The following ALPL variants were observed in gnomAD, a reference collection of about 807,000 sequenced individuals.
ALPL encodes the protein alkaline phosphatase, tissue-nonspecific isozyme.
Under a neutral mutation model 51.3 loss-of-function variants are expected in ALPL, and 42 were observed. That is an observed-to-expected ratio of 0.82 (90% CI 0.64 to 1.06). ALPL has a LOEUF of 1.06. Among genes scored for constraint, ALPL ranks in the 50% least tolerant of loss-of-function variants. ALPL has a pLI of 0.00. For synonymous variants in ALPL, 279 were observed against 296.4 expected (o/e 0.94, Z 0.60); for missense variants, 589 against 709.4 (o/e 0.83, Z 1.93).
At chr1:21,515,464 C>T (rs1643777431) in intron 1 of ALPL, among the ~76,000 whole-genome samples, 1 of 152,162 alleles carries the variant, frequency 6.6e-6, no homozygotes. Flanking sequence ...TCTCGGCTCA[C>T]TACAACCTCC....
chr1:21,512,747 T>C (rs1303308774), intron 1 of ALPL, among the ~76,000 whole-genome samples: 1 of 152,116 alleles, frequency 6.6e-6, no homozygotes, highest in Non-Finnish European at 1.5e-5. Flanking sequence ...CCGCCAACAC[T>C]TCGTTAATTG....
Position 21,576,591 on chromosome 1 carries a change from G to A in ALPL, c.1259G>A (p.Gly420Asp). 1 of 1,613,972 alleles carries A rather than the reference G, an allele frequency of 6.2e-7. No individual in the cohort carries two copies. Among genetic ancestry groups the A allele is most frequent in the Non-Finnish European group, 8.5e-7 (1 of 1,179,936 alleles). Residue 420 changes from glycine to aspartate, a missense_variant, in exon 11 of 12, where the codon GGC (glycine) becomes GAC (aspartate). By Grantham distance (94) the Gly-to-Asp change is moderately conservative. Transcript: ENST00000374840. ...GCCATCCTGTATGGCAATGGGCCTG[G>A]CTACAAGGTGGTGGGCGGTGAACGA... The part of the protein sequence containing the change: ...FTAILYGNGP[G>D]YKVVGGEREN...
At chr1:21,541,370 G>C (rs1204429663) in intron 1 of ALPL, among the ~76,000 whole-genome samples, 1 of 152,240 alleles carries the variant, frequency 6.6e-6, no homozygotes, top group African/African-American at 2.4e-5. Flanking sequence ...CCTGCTCTGA[G>C]CTGCCCAGCT....
chr1:21,536,141 A>G (rs1644102800), intron 1 of ALPL, among the ~76,000 whole-genome samples: 1 of 152,252 alleles, frequency 6.6e-6, no homozygotes, highest in Non-Finnish European at 1.5e-5. Context: ...CCTGTCAGAA[A>G]GTGAGGATCT....
rs781272386 is a variant in ALPL, at chr1:21,570,327, G to T, written c.815G>T (p.Arg272Leu). ...TAGCACTCCCACTTCATCTGGAACC[G>T]CACGGAACTCCTGACCCTTGACCCC... ...RYKHSHFIWN[R>L]TELLTLDPHN... Residue 272 changes from arginine to leucine, a missense_variant, in exon 8 of 12, where the codon CGC becomes CTC. Physicochemically the swap from Arg to Leu is moderately radical, Grantham distance 102 (BLOSUM62 -2). Coordinates refer to ENST00000374840, the MANE Select transcript of ALPL (RefSeq NM_000478.6). The T allele has an allele frequency of 5.0e-6, 8 of 1,614,036 alleles. No individual in the cohort carries two copies. The highest frequency in any genetic ancestry group is 5.9e-6 in the Non-Finnish European group (7 of 1,179,966).
chr1:21,569,968 C>T (rs1644622584), intron 7 of ALPL, among the ~76,000 whole-genome samples: 1 of 152,174 alleles, frequency 6.6e-6, no homozygotes, highest in South Asian at 2.1e-4. Context: ...ATGATCCCTC[C>T]TCCCTGGAAT....
intron 1 of ALPL, among the ~76,000 whole-genome samples, chr1:21,516,560 C>T (rs1393313388): frequency 1.3e-5 from 2 of 152,200 alleles, no homozygotes; most frequent in Non-Finnish European, 2.9e-5. Flanking sequence ...AACACAAACT[C>T]CCCCAGCTGG....
intron 1 of ALPL, among the ~76,000 whole-genome samples, chr1:21,522,804 TG>T (rs1643897075): frequency 6.6e-6 from 1 of 152,222 alleles, no homozygotes; most frequent in South Asian, 2.1e-4. Flanking sequence ...AACTCGGTGC[TG>T]GGGGGACTTT....
intron 2 of ALPL, among the ~76,000 whole-genome samples, chr1:21,555,607 G>A (rs1333455311): frequency 6.6e-6 from 1 of 151,980 alleles, no homozygotes. Context: ...TATTAGAGAC[G>A]GGGTTTCATC....
chr1:21,538,943 G>T (rs1010736483), intron 1 of ALPL, among the ~76,000 whole-genome samples: 1 of 152,112 alleles, frequency 6.6e-6, no homozygotes. Flanking sequence ...TATGATTATA[G>T]GAAGCCCTCC....
intron 8 of ALPL, among the ~76,000 whole-genome samples, chr1:21,572,433 A>G (rs765309988): frequency 7.9e-5 from 12 of 152,184 alleles, no homozygotes; most frequent in Non-Finnish European, 1.2e-4. Context: ...CCAAGAGTAT[A>G]TAAACAGAAG....
At chr1:21,544,030 C>T (rs1260732495) in intron 1 of ALPL, among the ~76,000 whole-genome samples, 1 of 152,200 alleles carries the variant, frequency 6.6e-6, no homozygotes, top group East Asian at 1.9e-4. Context: ...GAGGCCTGTG[C>T]AGGGCCTGGC....
intron 1 of ALPL, among the ~76,000 whole-genome samples, chr1:21,527,389 T>A (rs924035023): frequency 1.3e-5 from 2 of 152,140 alleles, no homozygotes; most frequent in African/African-American, 2.4e-5. Flanking sequence ...TTTACTAAAT[T>A]ATTTGCTCAG....
Position 21,568,308 on chromosome 1 carries a change from A to G in ALPL, c.792+61A>G, listed in dbSNP as rs554473227. ...GCCTGTGATGGGGAGAGGCTGTGTG[A>G]CCCCTGCTCTGAAGTTCTGTTGTCC... On this transcript the variant is annotated intron_variant, in intron 7 of 11. Transcript: ENST00000374840. 1.3e-5 allele frequency: 21 copies of G among 1,609,568 alleles called. No homozygotes were observed. The East Asian group carries it at 3.8e-4, about 29-fold the overall frequency.
At chr1:21,536,912 T>C (rs1570215068) in intron 1 of ALPL, among the ~76,000 whole-genome samples, 1 of 122,804 alleles carries the variant, frequency 8.1e-6, no homozygotes, top group East Asian at 2.6e-4. Context: ...TTTTTTTTTT[T>C]TTGAGACGGA....
At chr1:21,531,828 C>A (rs1355335295) in intron 1 of ALPL, among the ~76,000 whole-genome samples, 1 of 152,182 alleles carries the variant, frequency 6.6e-6, no homozygotes, top group East Asian at 1.9e-4. Flanking sequence ...ACCCTGTTTT[C>A]TTTTCTGTAA....
intron 1 of ALPL, among the ~76,000 whole-genome samples, chr1:21,522,136 A>G (rs992096315): frequency 1.3e-5 from 2 of 151,308 alleles, no homozygotes; most frequent in Non-Finnish European, 2.9e-5. Context: ...CAGTGGCGCA[A>G]TCTCGGCTCA....
intron 1 of ALPL, among the ~76,000 whole-genome samples, chr1:21,546,050 G>A (rs1644250040): frequency 6.6e-6 from 1 of 151,720 alleles, no homozygotes; most frequent in African/African-American, 2.4e-5. Context: ...TCCTGACCTC[G>A]TGATCCACCC....
chr1:21,539,769 C>T (rs538306662), intron 1 of ALPL, among the ~76,000 whole-genome samples: 21 of 152,052 alleles, frequency 1.4e-4, no homozygotes, highest in African/African-American at 5.1e-4. Context: ...ATTCTCCTGC[C>T]TCAGCCTCCC....
Sources: gnomAD v4.1 joint callset for allele counts (sites outside exome capture counted in the v4.1 genomes callset) on GRCh38, gnomAD v4.1.1 for gene constraint, MANE v1.5 for transcripts, NCBI Gene and HGNC (gene_info 2026-07-23, HGNC 2026-07-21) for gene names.